DOCK2: variants seen among roughly 807,000 people sequenced by gnomAD.
DOCK2 encodes the protein dedicator of cytokinesis protein 2.
A neutral mutation model predicts 248.9 loss-of-function variants in DOCK2; 87 were observed. The observed-to-expected ratio is 0.35, with a 90% CI of 0.29 to 0.42. The LOEUF (loss-of-function observed/expected upper bound fraction) is 0.42, where lower values mean the gene tolerates loss of function less well. DOCK2 is among the 10% of genes least tolerant of loss of function. DOCK2 has a pLI of 1.00. For synonymous variants in DOCK2, 805 were observed against 821.6 expected (o/e 0.98, Z 0.35); for missense variants, 1,747 against 2,300.2 (o/e 0.76, Z 4.92).
chr5:170,043,681 T>G (rs1013111792), intron 38 of DOCK2, among the ~76,000 whole-genome samples: 1 of 152,256 alleles, frequency 6.6e-6, no homozygotes, highest in Non-Finnish European at 1.5e-5. Flanking sequence ...ATAAGCCTCT[T>G]GAGGGCAGAG....
chr5:169,681,637 G>GGTCGC, intron 6 of DOCK2, 107 bp from the exon 7 acceptor site: 1 of 1,375,396 alleles, frequency 7.3e-7, no homozygotes, highest in Non-Finnish European at 9.9e-7. Flanking sequence ...TCTTCTATGT[G>GGTCGC]ACTATATGAC....
chr5:169,937,148 T>G (rs1776035165), intron 27 of DOCK2, among the ~76,000 whole-genome samples: 1 of 152,268 alleles, frequency 6.6e-6, no homozygotes, highest in Non-Finnish European at 1.5e-5. Context: ...GGCACAGATA[T>G]GCTTATTTCT....
chr5:169,717,724 C>A (rs1761980027), intron 21 of DOCK2, among the ~76,000 whole-genome samples: 1 of 152,194 alleles, frequency 6.6e-6, no homozygotes, highest in South Asian at 2.1e-4. Context: ...TTCATCCATT[C>A]AGCTAGCGTG....
At chr5:170,081,760 A>G in intron 50 of DOCK2, 82 bp from the exon 51 acceptor site, 1 of 441,574 alleles carries the variant, frequency 2.3e-6, no homozygotes, top group Non-Finnish European at 3.5e-6. Flanking sequence ...TCTGTCCCCC[A>G]GCCCTCCCCC....
At chr5:169,969,073 C>T (rs1232465883) in intron 27 of DOCK2, among the ~76,000 whole-genome samples, 9 of 152,070 alleles carry the variant, frequency 5.9e-5, no homozygotes, top group Admixed American at 5.9e-4. Context: ...TTGCTTGAGC[C>T]CAGCAAGTCA....
In DOCK2 at chr5:170,006,208, C is replaced by T. The variant is rs186154679; in HGVS notation, c.3073-2289C>T. ...TGTGGACAGGAGACCCAACCTGCCA[C>T]ATGTGTTTACATAAGCAACGTTGCT... On this transcript the variant is annotated intron_variant, in intron 30 of 51. Transcript: ENST00000520908. Among the ~76,000 whole-genome samples, 65 of 152,320 alleles carry T rather than the reference C, an allele frequency of 4.3e-4. 1 individual carries two copies. The highest frequency in any genetic ancestry group is 3.3e-3 in the Admixed American group (51 of 15,296).
chr5:169,638,925 A>G (rs1307096065), intron 1 of DOCK2, among the ~76,000 whole-genome samples: 2 of 152,196 alleles, frequency 1.3e-5, no homozygotes, highest in Non-Finnish European at 2.9e-5. Flanking sequence ...TAGAAGGGGA[A>G]CATCATGGGT....
At chr5:169,709,349 T>A (rs1277556088) in intron 15 of DOCK2, among the ~76,000 whole-genome samples, 1 of 152,122 alleles carries the variant, frequency 6.6e-6, no homozygotes, top group Non-Finnish European at 1.5e-5. Flanking sequence ...TCCAGGTCCT[T>A]CTCATATGGC....
intron 13 of DOCK2, chr5:169,702,091 G>T: frequency 2.5e-6 from 1 of 404,288 alleles, no homozygotes; most frequent in African/African-American, 2.0e-5. Context: ...TTCCCTTTTT[G>T]CAACTGATTT....
chr5:169,998,235 C>G (rs1222465037), intron 30 of DOCK2, among the ~76,000 whole-genome samples: 1 of 152,192 alleles, frequency 6.6e-6, no homozygotes. Context: ...ACTTAAGCCT[C>G]GTGAGTATAA....
intron 25 of DOCK2, among the ~76,000 whole-genome samples, chr5:169,797,274 G>A (rs1766710202): frequency 6.6e-6 from 1 of 152,234 alleles, no homozygotes; most frequent in African/African-American, 2.4e-5. Context: ...GAGCTGGATT[G>A]TGGCTGTGAT....
At chr5:169,809,809 G>A (rs1226962232) in intron 26 of DOCK2, among the ~76,000 whole-genome samples, 1 of 152,218 alleles carries the variant, frequency 6.6e-6, no homozygotes, top group African/African-American at 2.4e-5. Context: ...CACTGCGGCG[G>A]AGTGCCGTTC....
intron 1 of DOCK2, among the ~76,000 whole-genome samples, chr5:169,637,776 C>A (rs1756911253): frequency 6.6e-6 from 1 of 152,162 alleles, no homozygotes; most frequent in South Asian, 2.1e-4. Context: ...ATACTTCCAC[C>A]CCCTCCAAAG....
rs566908240 is a variant in DOCK2, at chr5:169,821,288, G to A, written c.2703+18082G>A. ...AGAGAACGCCACAAAGATACTCCTC[G>A]AGAAGAGCAACTCCAAGACACATAA... On this transcript the variant is annotated intron_variant, in intron 26 of 51. Transcript: ENST00000520908. 5.3e-5 allele frequency among the ~76,000 whole-genome samples: 8 copies of A among 152,068 alleles called. No individual in the cohort carries two copies. In the East Asian group the frequency reaches 5.8e-4, roughly 11 times the overall value.
chr5:169,848,671 A>G (rs1770459464), intron 27 of DOCK2, among the ~76,000 whole-genome samples: 1 of 152,228 alleles, frequency 6.6e-6, no homozygotes, highest in Non-Finnish European at 1.5e-5. Context: ...TATTTTGGGT[A>G]GTTAAAATAA....
At chr5:169,813,073 C>G (rs530165545) in intron 26 of DOCK2, among the ~76,000 whole-genome samples, 6 of 152,186 alleles carry the variant, frequency 3.9e-5, no homozygotes, top group Admixed American at 3.9e-4. Context: ...GGGGCTCCTG[C>G]GGGGAATTCC....
At chr5:169,788,437 A>G (rs536667553) in intron 25 of DOCK2, among the ~76,000 whole-genome samples, 1 of 152,238 alleles carries the variant, frequency 6.6e-6, no homozygotes, top group Non-Finnish European at 1.5e-5. Flanking sequence ...CTAAGATTTC[A>G]CAATTTGAGT....
chr5:169,880,850 C>A (rs1772599726), intron 27 of DOCK2, among the ~76,000 whole-genome samples: 1 of 152,184 alleles, frequency 6.6e-6, no homozygotes, highest in South Asian at 2.1e-4. Flanking sequence ...AGCAAACTTA[C>A]TCTGTGCTAG....
At chr5:169,847,995 G>GA (rs770115801) in intron 27 of DOCK2, among the ~76,000 whole-genome samples, 4 of 152,074 alleles carry the variant, frequency 2.6e-5, no homozygotes, top group Admixed American at 1.3e-4. Context: ...AAGAGTAATG[G>GA]AAAAAACCGT....
Sources: gnomAD v4.1 joint callset for allele counts (sites outside exome capture counted in the v4.1 genomes callset) on GRCh38, gnomAD v4.1.1 for gene constraint, MANE v1.5 for transcripts, NCBI Gene and HGNC (gene_info 2026-07-23, HGNC 2026-07-21) for gene names.